Variants in CBFA2T2 observed in about 807,000 individuals in gnomAD.
The protein encoded by CBFA2T2 is CBFA2/RUNX1 partner transcriptional co-repressor 2.
A neutral mutation model predicts 62.2 loss-of-function variants in CBFA2T2; 11 were observed. That is an observed-to-expected ratio of 0.18 (90% confidence interval 0.11 to 0.29). The LOEUF is 0.29. Ranked by LOEUF, CBFA2T2 falls within the 10% of genes least tolerant of loss-of-function variation. The pLI is 1.00. For missense variants in CBFA2T2, 592 were observed against 774.1 expected, an observed-to-expected ratio of 0.76 and a Z score of 2.79; for synonymous variants, 295 against 287.5, an observed-to-expected ratio of 1.03 and a Z score of -0.27.
intron 1 of CBFA2T2, among the ~76,000 whole-genome samples, chr20:33,495,008 C>G (rs1164463025): frequency 6.6e-6 from 1 of 152,210 alleles, no homozygotes; most frequent in Non-Finnish European, 1.5e-5. Context: ...TGAATTTTAA[C>G]AATACCTCCT....
chr20:33,593,833 T>C (rs1391529452), intron 1 of CBFA2T2, among the ~76,000 whole-genome samples: 1 of 152,100 alleles, frequency 6.6e-6, no homozygotes, highest in African/African-American at 2.4e-5. Flanking sequence ...ATTATGAAAA[T>C]TGTTTTGACC....
intron 1 of CBFA2T2, among the ~76,000 whole-genome samples, chr20:33,530,991 G>C (rs888836164): frequency 7.2e-5 from 11 of 152,056 alleles, no homozygotes; most frequent in African/African-American, 2.7e-4. Flanking sequence ...GCCGTGGCAG[G>C]AGAATTGCTT....
chr20:33,497,983 CT>C (rs2011222610), intron 1 of CBFA2T2, among the ~76,000 whole-genome samples: 1 of 152,146 alleles, frequency 6.6e-6, no homozygotes, highest in African/African-American at 2.4e-5. Context: ...GAGTCCAGCC[CT>C]TCTTTGACTT....
At chr20:33,491,558 G>A (rs544539823) in intron 1 of CBFA2T2, among the ~76,000 whole-genome samples, 1 of 152,142 alleles carries the variant, frequency 6.6e-6, no homozygotes, top group African/African-American at 2.4e-5. Context: ...TTAAATGTTG[G>A]ATTGAAGATA....
intron 1 of CBFA2T2, 99 bp from the exon 2 acceptor site, chr20:33,606,857 C>T: frequency 1.7e-6 from 2 of 1,158,472 alleles, no homozygotes; most frequent in Non-Finnish European, 2.5e-6. Context: ...CCTATTATAC[C>T]AAGCAGTCCT....
chr20:33,493,068 G>GTTTT (rs1157324208), intron 1 of CBFA2T2, among the ~76,000 whole-genome samples: 71 of 88,078 alleles, frequency 8.1e-4, no homozygotes, highest in East Asian at 1.7e-3. Context: ...TGAAGTTTTG[G>GTTTT]TTTTTTTTTT....
intron 1 of CBFA2T2, among the ~76,000 whole-genome samples, chr20:33,605,194 A>G (rs956581121): frequency 3.9e-5 from 6 of 152,340 alleles, no homozygotes; most frequent in East Asian, 1.9e-4. Flanking sequence ...TGTCCCATCA[A>G]TGCACAAAAA....
intron 1 of CBFA2T2, among the ~76,000 whole-genome samples, chr20:33,564,232 C>T (rs2013197658): frequency 6.7e-6 from 1 of 150,104 alleles, no homozygotes; most frequent in Non-Finnish European, 1.5e-5. Flanking sequence ...AGTCAGATTT[C>T]TTGAGGTGGA....
In CBFA2T2 at chr20:33,623,015, A is replaced by G. The variant is rs1049538047; in HGVS notation, c.511-100A>G. On this transcript the variant is annotated intron_variant, in intron 4 of 10. Transcript: ENST00000342704. ...GAAAATCAGACTGCCAAGGAGAGAA[A>G]GGCTTTTATCTTGTATCATCTGCTT... 1.0e-5 allele frequency: 11 copies of G among 1,099,400 alleles called. No homozygotes were observed. The South Asian group carries it at 1.5e-4, about 15-fold the overall frequency. The allele number at this position is 1,099,400 out of a possible 1,614,324, so 68.1% of individuals were successfully genotyped here.
intron 1 of CBFA2T2, among the ~76,000 whole-genome samples, chr20:33,587,392 G>A (rs373382611): frequency 4.0e-5 from 6 of 151,762 alleles, no homozygotes; most frequent in Admixed American, 2.6e-4. Flanking sequence ...TCAGCCTCCC[G>A]AGTAGCTGGG....
chr20:33,588,804 A>C (rs988305187), intron 1 of CBFA2T2, among the ~76,000 whole-genome samples: 2 of 152,070 alleles, frequency 1.3e-5, no homozygotes, highest in African/African-American at 2.4e-5. Flanking sequence ...AAAATTAGCC[A>C]GGCATGGTGG....
At chr20:33,501,819 T>C (rs2011288484) in intron 1 of CBFA2T2, among the ~76,000 whole-genome samples, 1 of 151,778 alleles carries the variant, frequency 6.6e-6, no homozygotes, top group Non-Finnish European at 1.5e-5. Flanking sequence ...TTTGTATTTT[T>C]AGTAGAGACA....
At chr20:33,597,717 C>A (rs2014951312) in intron 1 of CBFA2T2, among the ~76,000 whole-genome samples, 2 of 152,232 alleles carry the variant, frequency 1.3e-5, no homozygotes, top group Admixed American at 6.5e-5. Flanking sequence ...GATCTCAGCT[C>A]ACTGCAACCT....
chr20:33,519,759 G>C (rs1042932158), intron 1 of CBFA2T2, among the ~76,000 whole-genome samples: 7 of 152,116 alleles, frequency 4.6e-5, no homozygotes, highest in Non-Finnish European at 1.0e-4. Flanking sequence ...CAGCAGCAGG[G>C]TTCCTAAATA....
At chr20:33,561,978 T>C (rs753321672) in intron 1 of CBFA2T2, among the ~76,000 whole-genome samples, 1 of 152,206 alleles carries the variant, frequency 6.6e-6, no homozygotes, top group South Asian at 2.1e-4. Flanking sequence ...GTTCAAAACA[T>C]ATTTTTAATA....
At chr20:33,587,043 G>A (rs1317556779) in intron 1 of CBFA2T2, among the ~76,000 whole-genome samples, 2 of 152,116 alleles carry the variant, frequency 1.3e-5, no homozygotes, top group East Asian at 3.9e-4. Context: ...CCAGGCTCCA[G>A]TGATTCTGCA....
At chr20:33,601,427 A>G (rs2015129043) in intron 1 of CBFA2T2, among the ~76,000 whole-genome samples, 2 of 151,280 alleles carry the variant, frequency 1.3e-5, no homozygotes, top group East Asian at 3.9e-4. Context: ...ACCACGCCCA[A>G]CTCATTTTTG....
chr20:33,643,081 G>A (rs1312214393), intron 10 of CBFA2T2, among the ~76,000 whole-genome samples: 1 of 152,196 alleles, frequency 6.6e-6, no homozygotes, highest in Non-Finnish European at 1.5e-5. Context: ...GAATATCCTT[G>A]TTGAAATTTG....
chr20:33,530,692 C>T (rs2012035194), intron 1 of CBFA2T2, among the ~76,000 whole-genome samples: 2 of 151,814 alleles, frequency 1.3e-5, no homozygotes, highest in Non-Finnish European at 2.9e-5. Context: ...GGATTACAGG[C>T]GTGAGCCACT....
Sources: allele counts gnomAD v4.1 joint callset (sites outside exome capture counted in the v4.1 genomes callset), GRCh38; gene constraint gnomAD v4.1.1; transcripts MANE v1.5; gene names NCBI Gene and HGNC (gene_info 2026-07-23, HGNC 2026-07-21).